RAP1A: variants seen among roughly 807,000 people sequenced by gnomAD.
RAP1A encodes the protein RAP1A, member of RAS oncogene family.
In RAP1A, 6 loss-of-function variants were observed where a neutral mutation model predicts 26.4. That is an observed-to-expected ratio of 0.23 (90% confidence interval 0.12 to 0.45). RAP1A has a LOEUF of 0.45. RAP1A is among the 20% of genes least tolerant of loss of function. The pLI is 0.99. For missense variants in RAP1A, 121 were observed against 217.2 expected (o/e 0.56, Z 2.78); for synonymous variants, 73 against 79.4 (o/e 0.92, Z 0.43).
intron 1 of RAP1A, among the ~76,000 whole-genome samples, chr1:111,594,912 C>A (rs1658537489): frequency 2.0e-5 from 3 of 152,170 alleles, no homozygotes; most frequent in Admixed American, 2.0e-4. Context: ...ATAGTTCCAA[C>A]CCTCAAATGT....
In RAP1A at chr1:111,707,275, A is replaced by C. The variant is rs781465751; in HGVS notation, c.469-1874A>C. ...TGTAGTCTGGACCATTTAAAAAAGG[A>C]AATAGGTAATTATCATTTTAAAGAA... On this transcript the variant is annotated intron_variant, in intron 6 of 7. Coordinates refer to ENST00000369709, the MANE Select transcript of RAP1A (RefSeq NM_002884.4). Among the ~76,000 whole-genome samples, 3 of 152,176 alleles carry C rather than the reference A, an allele frequency of 2.0e-5. No individual in the cohort carries two copies. In the East Asian group the frequency reaches 5.8e-4, roughly 29 times the overall value.
At chr1:111,686,831 T>C (rs963770432) in intron 1 of RAP1A, 3 of 151,884 alleles carry the variant, frequency 2.0e-5, no homozygotes, top group African/African-American at 7.2e-5. Context: ...AATACTCTTA[T>C]AGAAAGAAAA....
intron 6 of RAP1A, among the ~76,000 whole-genome samples, chr1:111,704,767 G>A (rs1375894670): frequency 1.3e-5 from 2 of 152,212 alleles, no homozygotes. Context: ...ATGCGATAAA[G>A]TGGTGTGTAA....
At chr1:111,654,705 A>G (rs1339230416) in intron 1 of RAP1A, among the ~76,000 whole-genome samples, 1 of 151,582 alleles carries the variant, frequency 6.6e-6, no homozygotes, top group Admixed American at 6.6e-5. Flanking sequence ...GAACTGAGTA[A>G]GTTTAAGAAG....
rs186711091 is a variant in RAP1A, at chr1:111,574,249, C to T, written c.-28+31740C>T. Among the ~76,000 whole-genome samples the T allele has an allele frequency of 7.2e-5, 11 of 152,208 alleles. No homozygotes were observed. The East Asian group carries it at 1.7e-3, about 24-fold the overall frequency. ...CATTGCTTGTTTTTGTCAGCTTTGT[C>T]GAAGATCAGATGGCTGTAGGTGTGC... On this transcript the variant is annotated intron_variant, in intron 1 of 7. Transcript: ENST00000356415.
intron 1 of RAP1A, among the ~76,000 whole-genome samples, chr1:111,593,754 C>T (rs1240962188): frequency 7.2e-6 from 1 of 138,194 alleles, no homozygotes; most frequent in African/African-American, 2.7e-5. Flanking sequence ...TCATGAGGTT[C>T]TGCCTGGCCA....
intron 6 of RAP1A, among the ~76,000 whole-genome samples, chr1:111,707,489 T>C (rs1662231712): frequency 6.6e-6 from 1 of 152,232 alleles, no homozygotes; most frequent in South Asian, 2.1e-4. Flanking sequence ...CTAAATATTT[T>C]AGTGTATGTA....
chr1:111,565,721 G>A (rs1657903579), intron 1 of RAP1A, among the ~76,000 whole-genome samples: 1 of 152,062 alleles, frequency 6.6e-6, no homozygotes, highest in Non-Finnish European at 1.5e-5. Context: ...TTCTACTTTT[G>A]TCATTGCATC....
intron 1 of RAP1A, among the ~76,000 whole-genome samples, chr1:111,660,314 C>G (rs917675548): frequency 1.3e-5 from 2 of 152,180 alleles, no homozygotes; most frequent in African/African-American, 2.4e-5. Flanking sequence ...GTTTTCCCCC[C>G]CTCTGGCTTC....
chr1:111,693,594 G>A (rs1018031636), intron 2 of RAP1A, among the ~76,000 whole-genome samples: 2 of 152,140 alleles, frequency 1.3e-5, no homozygotes, highest in South Asian at 4.1e-4. Flanking sequence ...ATTACTTTTA[G>A]TAAGAAAGAA....
intron 1 of RAP1A, among the ~76,000 whole-genome samples, chr1:111,677,575 A>G (rs1661167276): frequency 6.6e-6 from 1 of 152,148 alleles, no homozygotes; most frequent in South Asian, 2.1e-4. Flanking sequence ...ATAAGCTTCA[A>G]AGGTGGTTCA....
chr1:111,654,472 A>G (rs1334026802), intron 1 of RAP1A, among the ~76,000 whole-genome samples: 1 of 152,246 alleles, frequency 6.6e-6, no homozygotes, highest in Non-Finnish European at 1.5e-5. Flanking sequence ...CAGAATGCCT[A>G]GGTTCAAATC....
intron 1 of RAP1A, among the ~76,000 whole-genome samples, chr1:111,632,250 C>A (rs974362928): frequency 6.7e-6 from 1 of 149,708 alleles, no homozygotes; most frequent in Non-Finnish European, 1.5e-5. Flanking sequence ...AAACTAATGC[C>A]TACACCCAGG....
At chr1:111,597,609 A>G (rs1384148587) in intron 1 of RAP1A, among the ~76,000 whole-genome samples, 1 of 152,264 alleles carries the variant, frequency 6.6e-6, no homozygotes, top group Non-Finnish European at 1.5e-5. Flanking sequence ...TTCATCTGCT[A>G]GTATTTATGC....
intron 1 of RAP1A, among the ~76,000 whole-genome samples, chr1:111,587,493 G>T (rs557356224): frequency 6.6e-6 from 1 of 151,980 alleles, no homozygotes; most frequent in Admixed American, 6.6e-5. Context: ...TACGCCTCAG[G>T]AAACTGTTAC....
At chr1:111,556,513 T>G (rs1657498936) in intron 1 of RAP1A, among the ~76,000 whole-genome samples, 1 of 152,200 alleles carries the variant, frequency 6.6e-6, no homozygotes, top group South Asian at 2.1e-4. Flanking sequence ...TGTGTATAGA[T>G]GGATGAATGG....
chr1:111,654,306 C>T (rs1024863373), intron 1 of RAP1A, among the ~76,000 whole-genome samples: 1 of 152,194 alleles, frequency 6.6e-6, no homozygotes, highest in African/African-American at 2.4e-5. Flanking sequence ...AAACCCCCCT[C>T]TTAATACTTT....
chr1:111,568,830 T>C (rs530307739), intron 1 of RAP1A, among the ~76,000 whole-genome samples: 5 of 152,108 alleles, frequency 3.3e-5, no homozygotes, highest in Non-Finnish European at 5.9e-5. Flanking sequence ...TCTTCCACCT[T>C]CTTCTCCTCA....
intron 1 of RAP1A, among the ~76,000 whole-genome samples, chr1:111,688,170 C>T (rs1310741479): frequency 7.0e-6 from 1 of 143,002 alleles, no homozygotes; most frequent in African/African-American, 2.6e-5. Flanking sequence ...ATTTCTTCAA[C>T]ATATATTCAT....
Sources: gnomAD v4.1 joint callset for allele counts (sites outside exome capture counted in the v4.1 genomes callset) on GRCh38, gnomAD v4.1.1 for gene constraint, MANE v1.5 for transcripts, NCBI Gene and HGNC (gene_info 2026-07-23, HGNC 2026-07-21) for gene names.